MUS81: variants seen among roughly 807,000 people sequenced by gnomAD.
MUS81 encodes the protein MUS81 structure-specific endonuclease subunit, also known as structure-specific endonuclease subunit MUS81.
MUS81 carries 69 observed loss-of-function variants against 74.2 expected under a neutral mutation model. That is an observed-to-expected ratio of 0.93 (90% CI 0.77 to 1.14). The LOEUF (loss-of-function observed/expected upper bound fraction) is 1.14. Among genes scored for constraint, MUS81 ranks in the 50% most tolerant of loss-of-function variants. MUS81 has a pLI of 0.00. For synonymous variants in MUS81, 303 were observed against 300.6 expected, an observed-to-expected ratio of 1.01 and a Z score of -0.08; for missense variants, 711 against 726.5, an observed-to-expected ratio of 0.98 and a Z score of 0.25.
At chr11:65,861,154 C>T in intron 2 of MUS81, 52 bp downstream of exon 2, 1 of 1,608,924 alleles carries the variant, frequency 6.2e-7, no homozygotes, top group Non-Finnish European at 8.5e-7. Flanking sequence ...CAGGTGGAGC[C>T]TCCGTACTCT....
chr11:65,865,909 C>T lies in MUS81; in HGVS notation c.1589+15C>T, dbSNP rs532396802. The T allele has an allele frequency of 8.7e-5, 140 of 1,614,120 alleles. No individual in the cohort carries two copies. In the South Asian group the frequency reaches 1.1e-3, roughly 13 times the overall value. ...CGTCTACAGAGGTGAGGGCAAGAGA[C>T]GGAACCTGGAGGGAGTGGCAGGGAC... is the stretch of plus-strand genomic sequence containing the variant. On this transcript the variant is annotated intron_variant, in intron 15 of 15. Transcript: ENST00000308110.
chr11:65,862,969 A>G (rs772546551), intron 6 of MUS81, 96 bp from the exon 7 acceptor site: 2 of 1,540,794 alleles, frequency 1.3e-6, no homozygotes, highest in African/African-American at 1.4e-5. Flanking sequence ...CAGGGCGCCA[A>G]GGGGGTGGTG....
At chr11:65,865,965 T>C (rs1363250331) in intron 15 of MUS81, 21 bp from the exon 16 acceptor site, 1 of 1,613,884 alleles carries the variant, frequency 6.2e-7, no homozygotes, top group Non-Finnish European at 8.5e-7. Flanking sequence ...GGCGTGACCC[T>C]CGCTGCCTCT....
At chr11:65,863,332 G>C in intron 7 of MUS81, 78 bp from the exon 8 acceptor site, 1 of 1,593,516 alleles carries the variant, frequency 6.3e-7, no homozygotes, top group South Asian at 1.1e-5. Context: ...TGGGTGGTGG[G>C]TGTCGGGTGG....
chr11:65,863,353 G>C, intron 7 of MUS81, 57 bp from the exon 8 acceptor site: 3 of 1,606,066 alleles, frequency 1.9e-6, no homozygotes, highest in Non-Finnish European at 2.6e-6. Context: ...CATGGGTGTG[G>C]GGCAACTGCC....
chr11:65,861,549 G>C, intron 3 of MUS81, 114 bp downstream of exon 3: 2 of 807,026 alleles, frequency 2.5e-6, no homozygotes, highest in Admixed American at 2.6e-5. Context: ...GCCTGGCCTT[G>C]AGCAAATGAC....
intron 9 of MUS81, 30 bp from the exon 10 acceptor site, chr11:65,863,774 A>T (rs747580891): frequency 5.6e-6 from 9 of 1,614,146 alleles, no homozygotes; most frequent in Non-Finnish European, 7.6e-6. Context: ...TGGGTAGGGG[A>T]TCGCAAGCTA....
downstream of MUS81, chr11:65,866,552 G>A (rs1330360538): frequency 1.3e-5 from 9 of 702,698 alleles, no homozygotes; most frequent in African/African-American, 7.0e-5. Context: ...GCCTCCTGGC[G>A]CTGTCCAGAG....
chr11:65,861,966 C>T lies in MUS81; in HGVS notation c.371C>T (p.Ala124Val), dbSNP rs1440479669. 4.3e-6 allele frequency: 7 copies of T among 1,610,950 alleles called. No individual in the cohort carries two copies. The highest frequency in any genetic ancestry group is 2.7e-5 in the African/African-American group (2 of 74,990). Residue 124 changes from alanine to valine, a missense_variant, in exon 4 of 16, where the codon GCG becomes GTG. Transcript: ENST00000308110. The part of the protein sequence containing the change: ...SSMPVPAQPK[A>V]GGSGSYWPAR... ...TTTCAGGTTCCTGCCCAGCCCAAAG[C>T]GGGAGGCTCTGGCAGCTACTGGCCA...
chr11:65,864,510 G>C lies in MUS81; in HGVS notation c.1073G>C (p.Arg358Pro). 1.9e-6 allele frequency: 3 copies of C among 1,614,062 alleles called. No individual in the cohort carries two copies. Among genetic ancestry groups the C allele is most frequent in the Non-Finnish European group, 2.5e-6 (3 of 1,179,966 alleles). The part of the protein sequence containing the change: ...RFREQKFRLK[R>P]CGLERRVYLV... Reference sequence around the variant, plus strand: ...ACACTTCCCTAGTTCCGGCTGAAGCGCTGTGGTCTGGAGCGCCGGGTATAC... The same window carrying C: ...ACACTTCCCTAGTTCCGGCTGAAGCCCTGTGGTCTGGAGCGCCGGGTATAC... The change falls in exon 11 of 16, where the codon CGC (arginine) becomes CCC (proline). Residue 358 changes from arginine (R) to proline (P), a missense_variant. Transcript: ENST00000308110.
downstream of MUS81, chr11:65,866,778 G>C: frequency 8.8e-7 from 1 of 1,133,830 alleles, no homozygotes; most frequent in South Asian, 1.3e-5. Context: ...CCCTGCCCCA[G>C]CCTGAGGCTT....
intron 6 of MUS81, among the ~76,000 whole-genome samples, 182 bp downstream of exon 6, chr11:65,862,711 G>A (rs995355605): frequency 2.6e-5 from 4 of 152,248 alleles, no homozygotes; most frequent in African/African-American, 9.6e-5. Flanking sequence ...GTGGGAGGGT[G>A]CGGTGGTTAT....
In MUS81 at chr11:65,865,079, C is replaced by A; in HGVS notation, c.1335C>A (p.Thr445=). 2 of 1,614,160 alleles carry A rather than the reference C, an allele frequency of 1.2e-6. No individual in the cohort carries two copies. The highest frequency in any genetic ancestry group is 1.1e-5 in the South Asian group (1 of 91,082). Residue 445 remains threonine, a synonymous_variant, in exon 13 of 16, where the codon ACC becomes ACA. Transcript: ENST00000308110. ...TPGNPESGAM[T]SPNPLCSLLT... ...GGAACCCTGAATCAGGGGCCATGAC[C>A]TCTCCAAACCCTCTCTGCTCACTCC... is the stretch of plus-strand genomic sequence containing the variant.
chr11:65,860,372 A>T (rs1859538786), upstream of MUS81: 3 of 476,576 alleles, frequency 6.3e-6, no homozygotes, highest in Admixed American at 7.0e-5. Flanking sequence ...CCTCCCCGTC[A>T]CAGGGGGCGC....
Position 65,865,265 on chromosome 11 carries a change from C to T in MUS81, c.1447C>T (p.Arg483Cys), listed in dbSNP as rs368415771. 4.3e-6 allele frequency: 7 copies of T among 1,614,020 alleles called. No homozygotes were observed. The highest frequency in any genetic ancestry group is 2.7e-5 in the African/African-American group (2 of 74,912). ...GTTTGCCCGGCAGCTGATGCAGGTG[C>T]GCGGAGTGAGTGGGGAGAAGGCAGC... ...EVFARQLMQV[R>C]GVSGEKAAAL... The change falls in exon 14 of 16, where the codon CGC (arginine) becomes TGC (cysteine). Residue 483 changes from arginine (R) to cysteine (C), a missense_variant. By Grantham distance (180) the Arg-to-Cys change is radical. Coordinates refer to ENST00000308110, the MANE Select transcript of MUS81 (RefSeq NM_025128.5).
At position 65,866,031 on chromosome 11, in the gene MUS81, C is replaced by T; in HGVS notation, c.1635C>T (p.Cys545=). 6.2e-7 allele frequency: 1 copy of T among 1,614,080 alleles called. No individual in the cohort carries two copies. Among genetic ancestry groups the T allele is most frequent in the Non-Finnish European group, 8.5e-7 (1 of 1,179,968 alleles). ...ALSRTLSQLY[C]SYGPLT ...GCAGGACCTTATCCCAGCTCTACTG[C>T]AGCTACGGCCCCTTGACCTGAGCTT... is the stretch of plus-strand genomic sequence containing the variant. Residue 545 remains cysteine (C), a synonymous_variant, in exon 16 of 16, where the codon TGC becomes TGT. Coordinates refer to ENST00000308110, the MANE Select transcript of MUS81 (RefSeq NM_025128.5).
intron 14 of MUS81, 74 bp from the exon 15 acceptor site, chr11:65,865,737 C>G (rs964804130): frequency 6.8e-7 from 1 of 1,467,644 alleles, no homozygotes; most frequent in Admixed American, 1.7e-5. Flanking sequence ...GCTGACCCCT[C>G]TGCCTGGCCC....
chr11:65,861,527 C>A, intron 3 of MUS81, 92 bp downstream of exon 3: 1 of 1,072,206 alleles, frequency 9.3e-7, no homozygotes, highest in Non-Finnish European at 1.4e-6. Flanking sequence ...GAGTCCAAAT[C>A]TCACCAGTGA....
At position 65,862,141 on chromosome 11, in the gene MUS81, CA is replaced by C. The variant is rs1262269490; in HGVS notation, c.451-69del. 8 of 1,594,218 alleles carry C rather than the reference CA, an allele frequency of 5.0e-6. No individual in the cohort carries two copies. In the Admixed American group the frequency reaches 1.2e-4, roughly 23 times the overall value. ...CAGGCAGGGCAGGCAAAGATTATCC[CA>C]GCCACCTGAGCGGGATGAGGAGGGG... On this transcript the variant is annotated intron_variant, in intron 4 of 15. Coordinates refer to ENST00000308110, the MANE Select transcript of MUS81 (RefSeq NM_025128.5).
Sources: gnomAD v4.1 joint callset for allele counts (sites outside exome capture counted in the v4.1 genomes callset) on GRCh38, gnomAD v4.1.1 for gene constraint, MANE v1.5 for transcripts, NCBI Gene and HGNC (gene_info 2026-07-23, HGNC 2026-07-21) for gene names.